Variants in ERAP1 observed in about 807,000 individuals in gnomAD.
The protein encoded by ERAP1 is endoplasmic reticulum aminopeptidase 1, also known as adipocyte-derived leucine aminopeptidase.
Under a neutral mutation model 103.7 loss-of-function variants are expected in ERAP1, and 86 were observed. The ratio of observed to expected loss-of-function variants is 0.83; its 90% CI spans 0.70 to 0.99. The LOEUF (loss-of-function observed/expected upper bound fraction) is 0.99, where lower values mean the gene tolerates loss of function less well. ERAP1 is among the 50% of genes least tolerant of loss of function. ERAP1 has a pLI of 0.00. For synonymous variants in ERAP1, 398 were observed against 402.4 expected, an observed-to-expected ratio of 0.99 and a Z score of 0.13; for missense variants, 1,009 against 1,128.4, an observed-to-expected ratio of 0.89 and a Z score of 1.52.
the ERAP1 span, among the ~76,000 whole-genome samples, chr5:96,829,714 T>C: frequency 2.0e-5 from 3 of 152,374 alleles, no homozygotes; most frequent in East Asian, 3.9e-4. Context: ...GGCTATTTTT[T>C]ATTTTTAATT....
chr5:96,913,274 A>G, the ERAP1 span: 1 of 1,545,930 alleles, frequency 6.5e-7, no homozygotes, highest in Non-Finnish European at 8.9e-7. Context: ...GTCCATGTAC[A>G]TAATACCTAC....
chr5:96,797,201 T>C lies in ERAP1; in HGVS notation c.772A>G (p.Ser258Gly). Residue 258 changes from serine to glycine, a missense_variant, in exon 4 of 19, where the codon AGC (serine) becomes GGC (glycine). By Grantham distance (56) the Ser-to-Gly change is moderately conservative. Around this residue, in one of 3 missense-constraint regions of ERAP1, gnomAD observed 392 missense variants for 455.2 expected, o/e 0.86. Transcript: ENST00000443439. ...AFIISDFESV[S>G]KITKSGVKVS... Reference sequence around the variant, plus strand: ...TTGACTCCACTCTTGGTTATCTTGCTGACAGACTCAAAATCTGAAATGATG... The same window carrying C: ...TTGACTCCACTCTTGGTTATCTTGCCGACAGACTCAAAATCTGAAATGATG... 1 of 1,614,216 alleles carries C rather than the reference T, an allele frequency of 6.2e-7. No individual in the cohort carries two copies. The highest frequency in any genetic ancestry group is 8.5e-7 in the Non-Finnish European group (1 of 1,180,038).
chr5:96,927,603 C>T, the ERAP1 span, among the ~76,000 whole-genome samples: 3 of 152,038 alleles, frequency 2.0e-5, no homozygotes, highest in South Asian at 2.1e-4. Flanking sequence ...TCTCCTGCCT[C>T]AGCCTCCCAA....
intron 19 of ERAP1, chr5:96,765,131 T>A (rs1324316131): frequency 1.6e-5 from 12 of 752,814 alleles, no homozygotes; most frequent in Non-Finnish European, 1.6e-5. Flanking sequence ...GGAAACAGGT[T>A]CCCTCCTGAA....
chr5:96,763,444 A>T (rs1768732329), intron 19 of ERAP1, among the ~76,000 whole-genome samples: 1 of 152,202 alleles, frequency 6.6e-6, no homozygotes. Flanking sequence ...TTAATAGCCT[A>T]GGCTGCCGTT....
chr5:96,851,872 G>A, the ERAP1 span, among the ~76,000 whole-genome samples: 1 of 152,166 alleles, frequency 6.6e-6, no homozygotes, highest in Non-Finnish European at 1.5e-5. Context: ...CGTGGGAAAA[G>A]GGACAAGAGC....
At chr5:96,877,989 T>C in the ERAP1 span, among the ~76,000 whole-genome samples, 1 of 152,210 alleles carries the variant, frequency 6.6e-6, no homozygotes, top group Non-Finnish European at 1.5e-5. Flanking sequence ...AAAGAAGAAG[T>C]AGCAGAGAAA....
At chr5:96,856,041 C>T in the ERAP1 span, among the ~76,000 whole-genome samples, 22 of 151,708 alleles carry the variant, frequency 1.5e-4, no homozygotes, top group Non-Finnish European at 2.4e-4. Flanking sequence ...TTGAGCAGGC[C>T]GGACACAGTG....
chr5:96,781,368 A>T (rs1775145542), intron 16 of ERAP1, among the ~76,000 whole-genome samples, 170 bp from the exon 17 acceptor site: 1 of 152,118 alleles, frequency 6.6e-6, no homozygotes, highest in Admixed American at 6.6e-5. Context: ...CATAATAAAA[A>T]CTAACATTTA....
chr5:96,804,204 G>A (rs1036082475), intron 1 of ERAP1: 15 of 465,562 alleles, frequency 3.2e-5, no homozygotes, highest in Non-Finnish European at 5.9e-5. Context: ...TACCTGTCAG[G>A]GTTCTTGGTT....
At chr5:96,935,837 A>G in the ERAP1 span, 3 of 356,442 alleles carry the variant, frequency 8.4e-6, no homozygotes, top group Middle Eastern at 8.0e-4. Flanking sequence ...GGCCGGGGAG[A>G]GCGCCGCAGC....
the ERAP1 span, among the ~76,000 whole-genome samples, chr5:96,927,145 T>C: frequency 6.6e-6 from 1 of 152,146 alleles, no homozygotes. Flanking sequence ...TGTGCATAAG[T>C]TTTCTGGTCC....
intron 11 of ERAP1, among the ~76,000 whole-genome samples, chr5:96,787,919 A>G (rs1776282209): frequency 6.6e-6 from 1 of 151,992 alleles, no homozygotes; most frequent in Non-Finnish European, 1.5e-5. Flanking sequence ...TGAAGAAAGT[A>G]AAGGAGTAAA....
the ERAP1 span, among the ~76,000 whole-genome samples, chr5:96,836,914 A>AT: frequency 3.9e-5 from 6 of 152,202 alleles, no homozygotes; most frequent in African/African-American, 1.4e-4. Context: ...AAATCAGAAG[A>AT]TTTTTTAAAT....
At chr5:96,902,045 C>G in the ERAP1 span, among the ~76,000 whole-genome samples, 1 of 152,162 alleles carries the variant, frequency 6.6e-6, no homozygotes, top group Non-Finnish European at 1.5e-5. Flanking sequence ...GTATTTGTGG[C>G]AGAGTTCAAC....
At chr5:96,793,325 T>G in intron 7 of ERAP1, 75 bp downstream of exon 7, 1 of 992,502 alleles carries the variant, frequency 1.0e-6, no homozygotes, top group East Asian at 2.5e-5. Flanking sequence ...TAATCAAAGA[T>G]TAGTGAATAT....
the ERAP1 span, chr5:96,886,524 G>T: frequency 1.7e-6 from 1 of 590,988 alleles, no homozygotes; most frequent in Non-Finnish European, 2.6e-6. Context: ...AGAGGCCATT[G>T]CCCCCCTAGG....
At chr5:96,819,386 T>C in the ERAP1 span, among the ~76,000 whole-genome samples, 1 of 152,158 alleles carries the variant, frequency 6.6e-6, no homozygotes, top group Non-Finnish European at 1.5e-5. Context: ...TCATCAGCGG[T>C]GTAGACTGGT....
chr5:96,776,686 G>T, intron 18 of ERAP1, 135 bp from the exon 19 acceptor site: 1 of 1,270,016 alleles, frequency 7.9e-7, no homozygotes, highest in Non-Finnish European at 1.1e-6. Flanking sequence ...GTCTGAATAG[G>T]ATTATGTACA....
Sources: gnomAD v4.1 joint callset for allele counts (sites outside exome capture counted in the v4.1 genomes callset) on GRCh38, gnomAD v4.1.1 for gene constraint, gnomAD v4.1.1 regional missense constraint, MANE v1.5 for transcripts, NCBI Gene and HGNC (gene_info 2026-07-23, HGNC 2026-07-21) for gene names.